TUT4: variants seen among roughly 807,000 people sequenced by gnomAD.
TUT4 encodes the protein terminal uridylyltransferase 4.
A neutral mutation model predicts 192.2 loss-of-function variants in TUT4; 36 were observed. The observed-to-expected ratio is 0.19, with a 90% confidence interval of 0.14 to 0.25. TUT4 has a LOEUF of 0.25. TUT4 is among the 10% of genes least tolerant of loss of function. TUT4 has a pLI of 1.00. For synonymous variants in TUT4, 618 were observed against 666.0 expected (o/e 0.93, Z 1.11); for missense variants, 1,493 against 1,957.2 (o/e 0.76, Z 4.47).
intron 28 of TUT4, among the ~76,000 whole-genome samples, chr1:52,430,166 T>C (rs1651593757): frequency 6.6e-6 from 1 of 152,212 alleles, no homozygotes; most frequent in African/African-American, 2.4e-5. Flanking sequence ...AAAACTATTT[T>C]TCTTTTTTAA....
At chr1:52,506,491 T>G (rs1458513432) in intron 4 of TUT4, among the ~76,000 whole-genome samples, 1 of 152,200 alleles carries the variant, frequency 6.6e-6, no homozygotes, top group Non-Finnish European at 1.5e-5. Context: ...TTAACTTTTT[T>G]CTTTTTGTTT....
chr1:52,460,004 A>T (rs1324045083), intron 19 of TUT4, among the ~76,000 whole-genome samples: 1 of 152,210 alleles, frequency 6.6e-6, no homozygotes, highest in African/African-American at 2.4e-5. Context: ...GATTTAGCTT[A>T]TATCTATATT....
intron 20 of TUT4, among the ~76,000 whole-genome samples, chr1:52,449,661 T>C (rs1658768625): frequency 6.6e-6 from 1 of 152,198 alleles, no homozygotes; most frequent in Non-Finnish European, 1.5e-5. Context: ...ATCATAAGCA[T>C]ACAGTCCTGC....
chr1:52,447,025 T>A (rs2148466064), intron 20 of TUT4, among the ~76,000 whole-genome samples: 1 of 152,210 alleles, frequency 6.6e-6, no homozygotes, highest in East Asian at 1.9e-4. Flanking sequence ...GATATAAAAA[T>A]ACAAAATAGA....
At chr1:52,485,594 T>C (rs1160921207) in intron 9 of TUT4, among the ~76,000 whole-genome samples, 5 of 152,158 alleles carry the variant, frequency 3.3e-5, no homozygotes, top group Admixed American at 3.3e-4. Context: ...GTGTTTTTAA[T>C]AAATGGTTTT....
intron 22 of TUT4, 92 bp from the exon 23 acceptor site, chr1:52,446,096 G>A: frequency 2.3e-6 from 3 of 1,328,444 alleles, no homozygotes; most frequent in East Asian, 2.3e-5. Context: ...ATACTTATAT[G>A]TACTCAGACT....
intron 24 of TUT4, among the ~76,000 whole-genome samples, chr1:52,441,444 A>ATCTTTT (rs1553160600): frequency 1.7e-5 from 2 of 119,970 alleles, no homozygotes; most frequent in African/African-American, 7.3e-5. Flanking sequence ...TCTCGGCTAA[A>ATCTTTT]TTTTTTTTTT....
intron 1 of TUT4, among the ~76,000 whole-genome samples, chr1:52,536,176 T>A (rs1310447601): frequency 6.6e-6 from 1 of 152,180 alleles, no homozygotes; most frequent in Non-Finnish European, 1.5e-5. Flanking sequence ...TAAAAATTCA[T>A]TACAAACCTC....
chr1:52,440,061 CA>C (rs1655045388), intron 24 of TUT4, among the ~76,000 whole-genome samples: 1 of 152,016 alleles, frequency 6.6e-6, no homozygotes, highest in South Asian at 2.1e-4. Context: ...ATGAAATGTC[CA>C]AAATAGGCAA....
At chr1:52,463,524 G>C (rs1663197557) in intron 16 of TUT4, 1 of 1,139,854 alleles carries the variant, frequency 8.8e-7, no homozygotes, top group African/African-American at 1.6e-5. Flanking sequence ...CTATTCTGCT[G>C]AATTCTTTTA....
At chr1:52,469,177 G>A (rs928413049) in intron 14 of TUT4, among the ~76,000 whole-genome samples, 1 of 152,092 alleles carries the variant, frequency 6.6e-6, no homozygotes, top group African/African-American at 2.4e-5. Context: ...GAGCCTTAAT[G>A]TATGCAATTT....
chr1:52,518,569 G>T (rs1020400224), intron 2 of TUT4, among the ~76,000 whole-genome samples: 5 of 152,032 alleles, frequency 3.3e-5, no homozygotes, highest in African/African-American at 1.2e-4. Flanking sequence ...AATTATGTTG[G>T]AGGTTAGGGC....
intron 1 of TUT4, among the ~76,000 whole-genome samples, chr1:52,527,573 G>A (rs1361023890): frequency 6.6e-6 from 1 of 151,624 alleles, no homozygotes; most frequent in African/African-American, 2.4e-5. Flanking sequence ...CAACAAAAAG[G>A]AACTTAAGAG....
At chr1:52,482,150 G>A (rs977732657) in intron 9 of TUT4, among the ~76,000 whole-genome samples, 1 of 148,032 alleles carries the variant, frequency 6.8e-6, no homozygotes, top group Admixed American at 6.6e-5. Context: ...TTGTTAAAAG[G>A]AATAATATTA....
intron 12 of TUT4, among the ~76,000 whole-genome samples, chr1:52,477,216 G>C (rs1019585887): frequency 6.6e-6 from 1 of 151,958 alleles, no homozygotes; most frequent in Non-Finnish European, 1.5e-5. Context: ...ACCATATATG[G>C]CAGAAATCTT....
At chr1:52,536,487 G>A (rs1684933144) in intron 1 of TUT4, among the ~76,000 whole-genome samples, 1 of 152,170 alleles carries the variant, frequency 6.6e-6, no homozygotes, top group Admixed American at 6.5e-5. Context: ...AAAAGAAAGA[G>A]CTAAATGGCA....
intron 4 of TUT4, 52 bp from the exon 5 acceptor site, chr1:52,497,235 A>G (rs1672676556): frequency 2.0e-6 from 3 of 1,481,898 alleles, no homozygotes; most frequent in African/African-American, 1.4e-5. Context: ...TTCTATTTTA[A>G]TTGTTCTTAT....
At chr1:52,501,886 A>T (rs1189341474) in intron 4 of TUT4, among the ~76,000 whole-genome samples, 1 of 152,182 alleles carries the variant, frequency 6.6e-6, no homozygotes, top group Non-Finnish European at 1.5e-5. Context: ...TATATGGGGT[A>T]CCTACAATAG....
chr1:52,483,262 C>T (rs938604197), intron 9 of TUT4, among the ~76,000 whole-genome samples: 3 of 151,928 alleles, frequency 2.0e-5, no homozygotes, highest in Non-Finnish European at 4.4e-5. Context: ...AAATATTTTG[C>T]CAGTTTTTCT....
Sources: allele counts gnomAD v4.1 joint callset (sites outside exome capture counted in the v4.1 genomes callset), GRCh38; gene constraint gnomAD v4.1.1; transcripts MANE v1.5; gene names NCBI Gene and HGNC (gene_info 2026-07-23, HGNC 2026-07-21).